The following RPS6KC1 variants were observed in gnomAD, a reference collection of about 807,000 sequenced individuals.
RPS6KC1 encodes the protein inactive ribosomal protein S6 kinase delta-1.
In RPS6KC1, 54 loss-of-function variants were observed where a neutral mutation model predicts 103.8. That is an observed-to-expected ratio of 0.52 (90% confidence interval 0.42 to 0.65). The LOEUF (loss-of-function observed/expected upper bound fraction) is 0.65. Ranked by LOEUF, RPS6KC1 falls within the 30% of genes least tolerant of loss-of-function variation. The probability of loss-of-function intolerance (pLI) is 0.00; values close to 1 mark genes in which losing one functional copy is unlikely to be tolerated. For missense variants in RPS6KC1, 1,151 were observed against 1,253.8 expected, an observed-to-expected ratio of 0.92 and a Z score of 1.24; for synonymous variants, 439 against 438.7, an observed-to-expected ratio of 1.00 and a Z score of -0.01.
At chr1:213,193,776 G>T (rs564726681) in intron 8 of RPS6KC1, among the ~76,000 whole-genome samples, 10 of 152,108 alleles carry the variant, frequency 6.6e-5, no homozygotes, top group East Asian at 5.8e-4. Context: ...CTATAGGTGC[G>T]CAATACCATG....
the RPS6KC1 span, among the ~76,000 whole-genome samples, chr1:213,548,535 C>A: frequency 6.6e-6 from 1 of 152,154 alleles, no homozygotes. Flanking sequence ...GTGACGCACA[C>A]CTGTAGTCCC....
At chr1:213,111,135 G>A (rs1214248181) in intron 4 of RPS6KC1, among the ~76,000 whole-genome samples, 3 of 151,788 alleles carry the variant, frequency 2.0e-5, no homozygotes, top group Non-Finnish European at 4.4e-5. Context: ...GTGGTTTCTC[G>A]GTAACCACTC....
the RPS6KC1 span, among the ~76,000 whole-genome samples, chr1:213,565,694 C>T: frequency 1.3e-5 from 2 of 152,026 alleles, no homozygotes; most frequent in Non-Finnish European, 2.9e-5. Context: ...AGTTGCACAC[C>T]AATGTACACT....
the RPS6KC1 span, among the ~76,000 whole-genome samples, chr1:213,849,749 A>G: frequency 5.9e-5 from 9 of 152,328 alleles, no homozygotes; most frequent in Admixed American, 5.9e-4. Flanking sequence ...TGAATACAGC[A>G]GAAGCTTCCA....
the RPS6KC1 span, chr1:213,731,633 A>G: frequency 6.6e-6 from 1 of 152,242 alleles, no homozygotes; most frequent in East Asian, 1.9e-4. Flanking sequence ...GTCTAGAAAT[A>G]TATCCTGGAT....
the RPS6KC1 span, among the ~76,000 whole-genome samples, chr1:213,366,161 C>T: frequency 6.6e-6 from 1 of 152,220 alleles, no homozygotes; most frequent in African/African-American, 2.4e-5. Flanking sequence ...CAGTGATCCC[C>T]CCACAGAGGG....
At chr1:213,166,608 A>G (rs2090985813) in intron 6 of RPS6KC1, among the ~76,000 whole-genome samples, 1 of 152,198 alleles carries the variant, frequency 6.6e-6, no homozygotes, top group Non-Finnish European at 1.5e-5. Context: ...GTTAAAAAGC[A>G]ATAGAAATTT....
intron 8 of RPS6KC1, among the ~76,000 whole-genome samples, chr1:213,228,512 C>T (rs946804521): frequency 1.3e-5 from 2 of 151,308 alleles, no homozygotes; most frequent in African/African-American, 4.9e-5. Flanking sequence ...CTTGAGCGAT[C>T]GCAGGAGTTC....
At chr1:213,796,752 G>A in the RPS6KC1 span, among the ~76,000 whole-genome samples, 2 of 152,132 alleles carry the variant, frequency 1.3e-5, no homozygotes, top group South Asian at 2.1e-4. Flanking sequence ...GTGTCAAACA[G>A]CTGTAATAAA....
chr1:213,267,715 A>G (rs1360982787), intron 14 of RPS6KC1, among the ~76,000 whole-genome samples: 6 of 152,044 alleles, frequency 3.9e-5, no homozygotes, highest in Non-Finnish European at 1.5e-5. Flanking sequence ...ATAAGGAGAC[A>G]GAAAGTATAT....
At chr1:213,484,904 C>T in the RPS6KC1 span, among the ~76,000 whole-genome samples, 1 of 151,988 alleles carries the variant, frequency 6.6e-6, no homozygotes, top group East Asian at 1.9e-4. Context: ...ATTCTGTGAC[C>T]CAGGCTGGAA....
chr1:213,636,803 G>T, the RPS6KC1 span, among the ~76,000 whole-genome samples: 1 of 152,118 alleles, frequency 6.6e-6, no homozygotes, highest in Non-Finnish European at 1.5e-5. Flanking sequence ...CACAGCAAAA[G>T]AAACTACCAT....
At chr1:213,621,212 T>A in the RPS6KC1 span, among the ~76,000 whole-genome samples, 13 of 152,314 alleles carry the variant, frequency 8.5e-5, no homozygotes, top group African/African-American at 2.4e-4. Context: ...CCAAAACAGA[T>A]GCAGCCGATT....
chr1:213,555,994 A>G, the RPS6KC1 span, among the ~76,000 whole-genome samples: 1 of 152,354 alleles, frequency 6.6e-6, no homozygotes, highest in Non-Finnish European at 1.5e-5. Context: ...TTCAAAAATC[A>G]GAGCCACTGC....
chr1:213,665,206 A>AACG, the RPS6KC1 span, among the ~76,000 whole-genome samples: 1 of 151,834 alleles, frequency 6.6e-6, no homozygotes, highest in African/African-American at 2.4e-5. Context: ...CAAAAACAAC[A>AACG]ACAACAACAA....
chr1:213,168,766 G>A (rs1215192796), intron 7 of RPS6KC1, among the ~76,000 whole-genome samples: 1 of 151,938 alleles, frequency 6.6e-6, no homozygotes. Flanking sequence ...GGGACTACAG[G>A]CACCCACCAC....
At chr1:213,302,630 G>C in the RPS6KC1 span, among the ~76,000 whole-genome samples, 341 of 152,324 alleles carry the variant, frequency 2.2e-3, 2 homozygotes, top group Non-Finnish European at 4.0e-3. Flanking sequence ...CGGGGTTGAC[G>C]TGTCGTGGAA....
At chr1:213,400,905 C>G in the RPS6KC1 span, among the ~76,000 whole-genome samples, 1 of 152,056 alleles carries the variant, frequency 6.6e-6, no homozygotes, top group Non-Finnish European at 1.5e-5. Context: ...TGGGGTTTCA[C>G]CAAGTTGGCC....
intron 10 of RPS6KC1, among the ~76,000 whole-genome samples, chr1:213,238,011 A>T (rs75964575): frequency 0.013 from 1,964 of 152,228 alleles, 24 homozygotes; most frequent in Non-Finnish European, 0.019. Flanking sequence ...AAATTTGTAC[A>T]GATGTTATCT....
Sources: gnomAD v4.1 joint callset for allele counts (sites outside exome capture counted in the v4.1 genomes callset) on GRCh38, gnomAD v4.1.1 for gene constraint, MANE v1.5 for transcripts, NCBI Gene and HGNC (gene_info 2026-07-23, HGNC 2026-07-21) for gene names.